Variants in G6PD observed in about 807,000 individuals in gnomAD.
The protein encoded by G6PD is glucose-6-phosphate 1-dehydrogenase.
A neutral mutation model predicts 38.2 loss-of-function variants in G6PD; 2 were observed. The ratio of observed to expected loss-of-function variants is 0.05; its 90% CI spans 0.02 to 0.16. The LOEUF (loss-of-function observed/expected upper bound fraction) is 0.16, where lower values mean the gene tolerates loss of function less well. Ranked by LOEUF, G6PD falls within the 10% of genes least tolerant of loss-of-function variation. The pLI is 1.00. For synonymous variants in G6PD, 188 were observed against 196.0 expected (o/e 0.96, Z 0.34); for missense variants, 310 against 471.6 (o/e 0.66, Z 3.17).
chrX:154,544,432 T>C (rs1174302737), intron 2 of G6PD, among the ~76,000 whole-genome samples: 1 of 111,985 alleles, frequency 8.9e-6, no homozygotes, highest in African/African-American at 3.3e-5. Context: ...AGTGCTGGGA[T>C]TACAGATGTG....
Position 154,532,069 on chromosome X carries a change from G to A in G6PD, c.1479C>T (p.Asp493=), listed in dbSNP as rs2070343108. The change falls in exon 13 of 13, where the codon GAC becomes GAT. Residue 493 remains aspartate (D), a synonymous_variant. Coordinates refer to ENST00000393562, the MANE Select transcript of G6PD (RefSeq NM_001360016.2). ...IYGSRGPTEA[D]ELMKRVGFQY... ...GGAAACCCACTCTCTTCATCAGCTC[G>A]TCTGCCTCCGTGGGGCCTCGGCTGG... is the stretch of plus-strand genomic sequence containing the variant. 1.2e-5 allele frequency: 14 copies of A among 1,210,014 alleles called. No individual in the cohort carries two copies. The highest frequency in any genetic ancestry group is 1.7e-5 in the African/African-American group (1 of 57,738).
At chrX:154,533,422 T>C in intron 8 of G6PD, 154 bp downstream of exon 8, 1 of 652,234 alleles carries the variant, frequency 1.5e-6, no homozygotes, top group Non-Finnish European at 2.3e-6. Flanking sequence ...TGACTGCCAG[T>C]CCAGGTCACC....
At chrX:154,535,102 A>G (rs1442050728) in intron 5 of G6PD, 66 bp downstream of exon 5, 1 of 1,045,650 alleles carries the variant, frequency 9.6e-7, no homozygotes, top group East Asian at 3.0e-5. Context: ...ACACGCTCAT[A>G]GAGTGGTGGG....
intron 1 of G6PD, among the ~76,000 whole-genome samples, chrX:154,546,521 G>C (rs1035139290): frequency 9.0e-6 from 1 of 111,623 alleles, no homozygotes; most frequent in Non-Finnish European, 1.9e-5. Flanking sequence ...ACTCCACAAT[G>C]ACCTGGAGCA....
rs782344302 is a variant in G6PD at position 154,546,784 on chromosome X, G to C, written c.-9+5C>G. ...CGCCTGCGCGGCGCCCGCCCGGCCG[G>C]TTACCTGCGCTTCGTCGTCGTCGCC... On this transcript the variant is annotated splice_donor_5th_base_variant and intron_variant, in intron 1 of 12. Coordinates refer to ENST00000393562, the MANE Select transcript of G6PD (RefSeq NM_001360016.2). 4.3e-6 allele frequency: 5 copies of C among 1,158,445 alleles called. No individual in the cohort carries two copies. Among genetic ancestry groups the C allele is most frequent in the Non-Finnish European group, 4.6e-6 (4 of 870,164 alleles).
In G6PD at chrX:154,535,389, G is replaced by A. The variant is rs368092811; in HGVS notation, c.268-4C>T. ...TGAGCTTCTCCTCTGGGGTGGCCTG[G>A]GAGACACGGACAGACAGACACACAG... On this transcript the variant is annotated splice_polypyrimidine_tract_variant and splice_region_variant and intron_variant, in intron 4 of 12. Transcript: ENST00000393562. The A allele has an allele frequency of 8.3e-7, 1 of 1,198,977 alleles. No individual in the cohort carries two copies. Among genetic ancestry groups the A allele is most frequent in the African/African-American group, 1.8e-5 (1 of 57,020 alleles).
chrX:154,531,941 G>A lies in G6PD; in HGVS notation c.*59C>T, dbSNP rs1180354998. On this transcript the variant is annotated 3_prime_UTR_variant, in exon 13 of 13. Transcript: ENST00000393562. ...AATGGTCCCGGAGTCCTCCCGACTCGGGGTCGGGCGGCGGGAAGGAGGGTG... is the reference window on the plus strand; with the variant it reads ...AATGGTCCCGGAGTCCTCCCGACTCAGGGTCGGGCGGCGGGAAGGAGGGTG... 6.8e-6 allele frequency: 8 copies of A among 1,178,128 alleles called. No homozygotes were observed. In the East Asian group the frequency reaches 2.2e-4, roughly 32 times the overall value.
rs2070340687 is a variant in G6PD, at chrX:154,531,939, T to G, written c.*61A>C. The G allele has an allele frequency of 8.7e-6, 9 of 1,039,811 alleles. No homozygotes were observed. In the East Asian group the frequency reaches 4.5e-4, roughly 52 times the overall value. The allele number at this position is 1,039,811 out of a possible 1,213,427, so 85.7% of individuals were successfully genotyped here. A position where few individuals can be genotyped will look rare whatever the true frequency, so the allele number is the denominator to read the frequency against. Reference sequence around the variant, plus strand: ...TCAATGGTCCCGGAGTCCTCCCGACTCGGGGTCGGGCGGCGGGAAGGAGGG... The same window carrying G: ...TCAATGGTCCCGGAGTCCTCCCGACGCGGGGTCGGGCGGCGGGAAGGAGGG... On this transcript the variant is annotated 3_prime_UTR_variant, in exon 13 of 13. Coordinates refer to ENST00000393562, the MANE Select transcript of G6PD (RefSeq NM_001360016.2).
intron 2 of G6PD, among the ~76,000 whole-genome samples, chrX:154,543,373 A>T: frequency 8.9e-6 from 1 of 112,416 alleles, no homozygotes; most frequent in Non-Finnish European, 1.9e-5. Context: ...GGAAAAGCCT[A>T]AGGACCCTGG....
chrX:154,538,637 C>G (rs2070438417), intron 2 of G6PD, among the ~76,000 whole-genome samples: 1 of 111,917 alleles, frequency 8.9e-6, no homozygotes, highest in African/African-American at 3.2e-5. Flanking sequence ...ATCTATAAAA[C>G]ACCATTCTGG....
rs2070734513 is a variant in G6PD, at chrX:154,546,775, G to C, written c.-9+14C>G. The stretch of plus-strand genomic sequence containing the variant: ...ACGCTCCTCCGCCTGCGCGGCGCCC[G>C]CCCGGCCGGTTACCTGCGCTTCGTC... On this transcript the variant is annotated intron_variant, in intron 1 of 12. Coordinates refer to ENST00000393562, the MANE Select transcript of G6PD (RefSeq NM_001360016.2). 1 of 1,150,347 alleles carries C rather than the reference G, an allele frequency of 8.7e-7. No individual in the cohort carries two copies. The highest frequency in any genetic ancestry group is 1.2e-6 in the Non-Finnish European group (1 of 864,830). The allele number at this position is 1,150,347 out of a possible 1,213,427, so 94.8% of individuals were successfully genotyped here.
At chrX:154,538,300 T>C (rs1343160654) in intron 2 of G6PD, among the ~76,000 whole-genome samples, 1 of 111,730 alleles carries the variant, frequency 9.0e-6, no homozygotes, top group South Asian at 3.7e-4. Context: ...CCACTGACCC[T>C]GTCTCTTTAA....
chrX:154,544,161 T>TTTTTG (rs1262460034), intron 2 of G6PD, among the ~76,000 whole-genome samples: 6 of 79,257 alleles, frequency 7.6e-5, no homozygotes, highest in East Asian at 8.4e-4. Flanking sequence ...GCGCCCGGCC[T>TTTTTG]TTTTGTTTTG....
rs2070335262 is a variant in G6PD at position 154,531,583 on chromosome X, C to A, written c.*417G>T. ...CAAGGAATGTCAAGTGGCACTGAGGCTGGCGGGCAAGGCCACAGGCAGATT... is the reference window on the plus strand; with the variant it reads ...CAAGGAATGTCAAGTGGCACTGAGGATGGCGGGCAAGGCCACAGGCAGATT... On this transcript the variant is annotated 3_prime_UTR_variant, in exon 13 of 13. Coordinates refer to ENST00000393562, the MANE Select transcript of G6PD (RefSeq NM_001360016.2). 4.7e-6 allele frequency: 1 copy of A among 210,612 alleles called. No individual in the cohort carries two copies. Among genetic ancestry groups the A allele is most frequent in the African/African-American group, 2.9e-5 (1 of 34,558 alleles). The allele number at this position is 210,612 out of a possible 1,213,427, so 17.4% of individuals were successfully genotyped here.
chrX:154,533,965 G>A (rs2070374267), intron 7 of G6PD, 70 bp downstream of exon 7: 2 of 1,206,886 alleles, frequency 1.7e-6, no homozygotes, highest in Non-Finnish European at 1.1e-6. Flanking sequence ...AGATAGGGAA[G>A]AGTAGCCCTG....
At chrX:154,543,745 G>A (rs191860723) in intron 2 of G6PD, among the ~76,000 whole-genome samples, 155 of 110,475 alleles carry the variant, frequency 1.4e-3, no homozygotes, top group South Asian at 9.5e-3. Flanking sequence ...CCAGGATGGA[G>A]TGCAATGGTG....
upstream of G6PD, chrX:154,546,967 CG>C: frequency 3.1e-6 from 1 of 318,157 alleles, no homozygotes; most frequent in Non-Finnish European, 4.8e-6. Context: ...CTCGTGCGGG[CG>C]GGGCGGGGCG....
At chrX:154,537,990 G>GTTTT (rs781988750) in intron 2 of G6PD, among the ~76,000 whole-genome samples, 3 of 91,079 alleles carry the variant, frequency 3.3e-5, no homozygotes, top group Non-Finnish European at 4.3e-5. Context: ...AAATCAGGAG[G>GTTTT]TTTTTTTTTT....
At chrX:154,543,335 G>A (rs1420876923) in intron 2 of G6PD, among the ~76,000 whole-genome samples, 2 of 112,532 alleles carry the variant, frequency 1.8e-5, no homozygotes, top group African/African-American at 3.2e-5. Flanking sequence ...GGCCACAGGC[G>A]GAGGCAGTGA....
Sources: gnomAD v4.1 joint callset for allele counts (sites outside exome capture counted in the v4.1 genomes callset) on GRCh38, gnomAD v4.1.1 for gene constraint, MANE v1.5 for transcripts, NCBI Gene and HGNC (gene_info 2026-07-23, HGNC 2026-07-21) for gene names.